IL17RC: variants seen among roughly 807,000 people sequenced by gnomAD.
The protein encoded by IL17RC is interleukin 17 receptor C.
IL17RC carries 53 observed loss-of-function variants against 86.7 expected under a neutral mutation model. The observed-to-expected ratio is 0.61, with a 90% CI of 0.49 to 0.77. The LOEUF is 0.77. Among genes scored for constraint, IL17RC ranks in the 30% least tolerant of loss-of-function variants. The pLI is 0.00. For synonymous variants in IL17RC, 439 were observed against 413.1 expected (o/e 1.06, Z -0.76); for missense variants, 957 against 940.0 (o/e 1.02, Z -0.24).
At position 9,918,572 on chromosome 3, in the gene IL17RC, A is replaced by G; in HGVS notation, c.428A>G (p.Gln143Arg). The G allele has an allele frequency of 6.2e-7, 1 of 1,614,096 alleles. No homozygotes were observed. The highest frequency in any genetic ancestry group is 8.5e-7 in the Non-Finnish European group (1 of 1,179,982). ...PTARCVLLEV[Q>R]VPAALVQFGQ... is the part of the protein sequence containing the mutation. ...GCCCGCTGCGTCCTGCTGGAGGTGC[A>G]AGTGCCTGCTGCCCTTGTGCAGTTT... Residue 143 changes from glutamine to arginine, a missense_variant, in exon 5 of 19, where the codon CAA (glutamine) becomes CGA (arginine). Transcript: ENST00000403601.
chr3:9,928,233 G>T lies in IL17RC; in HGVS notation c.877+13G>T. ...CCCTTCAGGGAGGGTGAGCCGACCG[G>T]CCTGGGGCTGGGGTTGGGGTGTTGC... On this transcript the variant is annotated intron_variant, in intron 10 of 18. Coordinates refer to ENST00000403601, the MANE Select transcript of IL17RC (RefSeq NM_153460.4). 6.3e-7 allele frequency: 1 copy of T among 1,581,948 alleles called. No individual in the cohort carries two copies. The highest frequency in any genetic ancestry group is 8.5e-7 in the Non-Finnish European group (1 of 1,173,560).
intron 9 of IL17RC, among the ~76,000 whole-genome samples, chr3:9,925,861 T>A (rs1461985304): frequency 4.7e-5 from 4 of 85,336 alleles, no homozygotes; most frequent in East Asian, 2.2e-4. Context: ...TTTTCTTAAA[T>A]TTTTTTTTTT....
chr3:9,918,232 C>G, intron 3 of IL17RC, 103 bp from the exon 4 acceptor site: 1 of 1,327,566 alleles, frequency 7.5e-7, no homozygotes, highest in Middle Eastern at 2.1e-4. Flanking sequence ...TCTCCCCAGC[C>G]CCTGCTTCCC....
In IL17RC at chr3:9,921,097, TTCA is replaced by T. The variant is rs1246515455; in HGVS notation, c.622+130_622+132del. The T allele has an allele frequency of 1.7e-3, 1,026 of 586,458 alleles. 3 individuals are homozygous for T. The highest frequency in any genetic ancestry group is 2.8e-3 in the Non-Finnish European group (937 of 329,368). 36.3% of individuals were successfully genotyped at this position (586,458 alleles called of 1,614,324 possible). On this transcript the variant is annotated intron_variant, in intron 7 of 18. Transcript: ENST00000403601. ...CTCACAGAACATATTCATTCATTCA[TTCA>T]TTCATTCATTTGTTCATAACACATT...
At chr3:9,931,747 C>T (rs1575603949) in intron 16 of IL17RC, among the ~76,000 whole-genome samples, 1 of 151,526 alleles carries the variant, frequency 6.6e-6, no homozygotes, top group Non-Finnish European at 1.5e-5. Context: ...CCTCGTGATC[C>T]GCCCGCGTCG....
Position 9,917,434 on chromosome 3 carries a change from C to T in IL17RC, c.105+14C>T. The T allele has an allele frequency of 6.2e-7, 1 of 1,614,176 alleles. No individual in the cohort carries two copies. Among genetic ancestry groups the T allele is most frequent in the South Asian group, 1.1e-5 (1 of 91,084 alleles). ...CACTGCTCTCCGGTGAGTCTGGAAC[C>T]CTGGGGAGACGAGGAAAGGCTCAGG... On this transcript the variant is annotated intron_variant, in intron 1 of 18. Coordinates refer to ENST00000403601, the MANE Select transcript of IL17RC (RefSeq NM_153460.4).
intron 1 of IL17RC, 50 bp downstream of exon 1, chr3:9,917,470 T>C (rs2125113635): frequency 1.2e-6 from 2 of 1,614,230 alleles, no homozygotes; most frequent in East Asian, 2.2e-5. Flanking sequence ...GTTCAGTTTT[T>C]GGCTCAGCAA....
intron 1 of IL17RC, 50 bp downstream of exon 1, chr3:9,917,470 T>G: frequency 2.5e-6 from 4 of 1,614,230 alleles, no homozygotes; most frequent in Non-Finnish European, 3.4e-6. Context: ...GTTCAGTTTT[T>G]GGCTCAGCAA....
Position 9,933,043 on chromosome 3 carries a change from G to A in IL17RC, c.1613G>A (p.Cys538Tyr). ...GTGGGCGCCCTGGCGTCGGCCCTGT[G>A]CCAGCTGCCGCTGCGCGTGGCCGTA... ...RLVGALASAL[C>Y]QLPLRVAVDL... Residue 538 changes from cysteine (C) to tyrosine (Y), a missense_variant, in exon 19 of 19, where the codon TGC (cysteine) becomes TAC (tyrosine). Coordinates refer to ENST00000403601, the MANE Select transcript of IL17RC (RefSeq NM_153460.4). 1 of 1,549,050 alleles carries A rather than the reference G, an allele frequency of 6.5e-7. No individual in the cohort carries two copies. Among genetic ancestry groups the A allele is most frequent in the Non-Finnish European group, 8.6e-7 (1 of 1,157,108 alleles).
Position 9,924,201 on chromosome 3 carries a change from C to T in IL17RC, c.763-31C>T, listed in dbSNP as rs774572367. 1.9e-6 allele frequency: 3 copies of T among 1,613,700 alleles called. No homozygotes were observed. In the South Asian group the frequency reaches 3.3e-5, roughly 18 times the overall value. On this transcript the variant is annotated intron_variant, in intron 8 of 18. Transcript: ENST00000403601. ...GCCTCCTCCTCTTCCTCCTTATCTT[C>T]TCCAACCTCCTTCCTTTATTTGTTC...
chr3:9,932,085 C>T (rs279550), intron 16 of IL17RC, among the ~76,000 whole-genome samples: 149,364 of 152,266 alleles, frequency 0.98, 73,280 homozygotes, highest in Non-Finnish European at 0.99. Context: ...CCCTATGACA[C>T]AGGTACAACT....
In IL17RC at chr3:9,924,290, A is replaced by G; in HGVS notation, c.821A>G (p.Gln274Arg). Residue 274 changes from glutamine to arginine, a missense_variant and splice_region_variant, in exon 9 of 19, where the codon CAG (glutamine) becomes CGG (arginine). Coordinates refer to ENST00000403601, the MANE Select transcript of IL17RC (RefSeq NM_153460.4). ...HTDLVPCLCIQVWPLEPDSVR... is the reference protein window; with the variant it reads ...HTDLVPCLCIRVWPLEPDSVR... ...GACCTGGTTCCCTGCCTCTGTATTC[A>G]GGTAGGAGCAGAGTCTAGCTGGGTG... The G allele has an allele frequency of 6.2e-7, 1 of 1,613,826 alleles. No individual in the cohort carries two copies. Among genetic ancestry groups the G allele is most frequent in the Non-Finnish European group, 8.5e-7 (1 of 1,179,806 alleles).
intron 4 of IL17RC, 37 bp from the exon 5 acceptor site, chr3:9,918,463 T>TC: frequency 6.2e-7 from 1 of 1,609,126 alleles, no homozygotes; most frequent in Non-Finnish European, 8.5e-7. Context: ...GGCCTGCCGC[T>TC]CCTGGGCCTG....
At chr3:9,918,983 T>C (rs867509295) in intron 5 of IL17RC, 20 of 162,496 alleles carry the variant, frequency 1.2e-4, no homozygotes, top group Non-Finnish European at 1.6e-4. Context: ...TCCTAGTTGC[T>C]TCCCATCTTT....
chr3:9,922,137 G>T (rs2083632468), intron 7 of IL17RC, among the ~76,000 whole-genome samples: 1 of 151,308 alleles, frequency 6.6e-6, no homozygotes, highest in African/African-American at 2.4e-5. Flanking sequence ...ATTTTTAGTA[G>T]ACATGGAGTT....
chr3:9,920,583 C>CCA lies in IL17RC; in HGVS notation c.565_566dup (p.Gln189HisfsTer38). On this transcript the variant is annotated frameshift_variant, in exon 6 of 19. Transcript: ENST00000403601. LOFTEE classifies it high-confidence loss of function. Reference sequence around the variant, plus strand: ...AGCCCAGGTACGAGAAGGAACTCAACCACACACAGCAGCTGCCTGGTAAGT... The same window carrying CCA: ...AGCCCAGGTACGAGAAGGAACTCAACCACACACACAGCAGCTGCCTGGTAAGT... The CCA allele has an allele frequency of 6.2e-7, 1 of 1,604,830 alleles. No individual in the cohort carries two copies. Among genetic ancestry groups the CCA allele is most frequent in the East Asian group, 2.2e-5 (1 of 44,740 alleles).
intron 12 of IL17RC, 112 bp downstream of exon 12, chr3:9,928,742 A>G (rs1400677091): frequency 9.0e-7 from 1 of 1,116,582 alleles, no homozygotes; most frequent in African/African-American, 1.6e-5. Context: ...AGCTTCCTCT[A>G]TGGGAGTTCC....
Position 9,917,961 on chromosome 3 carries a change from G to A in IL17RC, c.166G>A (p.Ala56Thr), listed in dbSNP as rs766621691. ...ILCLPGDIVP[A>T]PGPVLAPTHL... ...CTGCCTGCCTGGGGACATCGTGCCT[G>A]CTCCGGGCCCCGTGCTGGCGCCTAC... Residue 56 changes from alanine to threonine, a missense_variant, in exon 3 of 19, where the codon GCT becomes ACT. Transcript: ENST00000403601. 3.1e-6 allele frequency: 5 copies of A among 1,613,616 alleles called. No individual in the cohort carries two copies. The highest frequency in any genetic ancestry group is 3.3e-4 in the Middle Eastern group (2 of 6,062).
chr3:9,920,468 C>A (rs747120735), intron 5 of IL17RC, 23 bp from the exon 6 acceptor site: 18 of 1,494,144 alleles, frequency 1.2e-5, no homozygotes, highest in Non-Finnish European at 1.6e-5. Flanking sequence ...CACCGCCAGC[C>A]TTCCTCACCC....
Sources: gnomAD v4.1 joint callset for allele counts (sites outside exome capture counted in the v4.1 genomes callset) on GRCh38, gnomAD v4.1.1 for gene constraint, MANE v1.5 for transcripts, NCBI Gene and HGNC (gene_info 2026-07-23, HGNC 2026-07-21) for gene names.